Variants in CYFIP1 observed in about 807,000 individuals in gnomAD.
CYFIP1 encodes cytoplasmic FMR1 interacting protein 1.
CYFIP1 carries 58 observed loss-of-function variants against 163.5 expected under a neutral mutation model. That is an observed-to-expected ratio of 0.35 (90% confidence interval 0.29 to 0.44). The LOEUF (loss-of-function observed/expected upper bound fraction) is 0.44, where lower values mean the gene tolerates loss of function less well. Among genes scored for constraint, CYFIP1 ranks in the 20% least tolerant of loss-of-function variants. CYFIP1 has a pLI of 1.00. For missense variants in CYFIP1, 1,338 were observed against 1,653.8 expected (o/e 0.81, Z 3.31); for synonymous variants, 663 against 660.7 (o/e 1.00, Z -0.05).
chr15:22,908,518 CTTTTTTTTTTTTTTTTT>C (rs58565266), intron 21 of CYFIP1, among the ~76,000 whole-genome samples: 1 of 75,480 alleles, frequency 1.3e-5, no homozygotes, highest in Non-Finnish European at 2.4e-5. Context: ...GAAGATATTT[CTTTTTTTTTTTTTTTTT>C]TTTTTTTTTT....
chr15:22,903,191 T>A (rs1483316556), intron 22 of CYFIP1, among the ~76,000 whole-genome samples: 4 of 152,036 alleles, frequency 2.6e-5, no homozygotes, highest in African/African-American at 7.3e-5. Context: ...GCTGACACTG[T>A]ATAGATGCTG....
intron 12 of CYFIP1, among the ~76,000 whole-genome samples, chr15:22,926,482 A>G (rs1026785549): frequency 6.6e-6 from 1 of 152,198 alleles, no homozygotes; most frequent in African/African-American, 2.4e-5. Flanking sequence ...GATCAGCCTG[A>G]GCAATATAGT....
At chr15:22,964,349 T>TCACACACACACACA (rs1206406734) in intron 1 of CYFIP1, among the ~76,000 whole-genome samples, 33 of 39,576 alleles carry the variant, frequency 8.3e-4, no homozygotes, top group African/African-American at 1.6e-3. Flanking sequence ...CGCAACCTCA[T>TCACACACACACACA]CACTCACACA....
Position 22,916,456 on chromosome 15 carries a change from C to T in CYFIP1, c.1828+21G>A, listed in dbSNP as rs762080156. The T allele has an allele frequency of 1.2e-5, 18 of 1,558,728 alleles. No homozygotes were observed. The South Asian group carries it at 1.9e-4, about 17-fold the overall frequency. ...GTGTTAGGACATGCCAGGCCGGATG[C>T]TGCTCAGCAGTATCTCTTACCACTG... On this transcript the variant is annotated intron_variant, in intron 16 of 30. Transcript: ENST00000617928.
In CYFIP1 at chr15:22,874,530, G is replaced by A; in HGVS notation, c.3210+20C>T. On this transcript the variant is annotated intron_variant, in intron 28 of 30. Transcript: ENST00000617928. The stretch of plus-strand genomic sequence containing the variant: ...GGATGCCCAGCTTGCAACAGCCACA[G>A]CCATCACGGTACACGTTACCTGAGG... 1.3e-6 allele frequency: 2 copies of A among 1,554,198 alleles called. No individual in the cohort carries two copies. Among genetic ancestry groups the A allele is most frequent in the Non-Finnish European group, 1.7e-6 (2 of 1,150,818 alleles).
chr15:22,881,328 A>T (rs1414348917), intron 25 of CYFIP1, among the ~76,000 whole-genome samples: 2 of 152,234 alleles, frequency 1.3e-5, no homozygotes, highest in African/African-American at 4.8e-5. Context: ...GGTCCCTGTC[A>T]TACAATTTTA....
At position 22,918,687 on chromosome 15, in the gene CYFIP1, C is replaced by T; in HGVS notation, c.1526+5G>A. The T allele has an allele frequency of 1.3e-6, 2 of 1,589,116 alleles. No homozygotes were observed. The highest frequency in any genetic ancestry group is 1.1e-5 in the South Asian group (1 of 87,212). On this transcript the variant is annotated splice_donor_5th_base_variant and intron_variant, in intron 14 of 30. Transcript: ENST00000617928. ...CAGCGGGCACAGGGCGTGGGGAAGG[C>T]TGACCTCTGGATGACGTTCTTCTTC...
Position 22,918,830 on chromosome 15 carries a change from AC to A in CYFIP1, c.1387del (p.Val463CysfsTer2). ...EVIAMIKGLQ[V>X]LMGRMESVFN... ...CACGCTCTCCATCCTGCCCATCAGCACCTGCAGGCCTTTGATCATGGCGATC... is the reference window on the plus strand; with the variant it reads ...CACGCTCTCCATCCTGCCCATCAGCACTGCAGGCCTTTGATCATGGCGATC... On this transcript the variant is annotated frameshift_variant, in exon 14 of 31. Transcript: ENST00000617928. LOFTEE classifies it high-confidence loss of function. 6.2e-7 allele frequency: 1 copy of A among 1,611,436 alleles called. No individual in the cohort carries two copies. The highest frequency in any genetic ancestry group is 8.5e-7 in the Non-Finnish European group (1 of 1,178,906).
chr15:22,959,209 C>T (rs1459131155), intron 1 of CYFIP1, among the ~76,000 whole-genome samples: 1 of 152,236 alleles, frequency 6.6e-6, no homozygotes, highest in East Asian at 1.9e-4. Flanking sequence ...CTGGGCAACA[C>T]ACAGACAGCA....
intron 8 of CYFIP1, among the ~76,000 whole-genome samples, chr15:22,938,566 T>C (rs559663177): frequency 8.4e-4 from 128 of 151,510 alleles, no homozygotes; most frequent in Non-Finnish European, 1.5e-3. Context: ...GTCCGCACCA[T>C]TGCACTGGAG....
rs751564932 is a variant in CYFIP1, at chr15:22,917,838, C to T, written c.1624G>A (p.Gly542Ser). 2 of 1,613,834 alleles carry T rather than the reference C, an allele frequency of 1.2e-6. No individual in the cohort carries two copies. The highest frequency in any genetic ancestry group is 1.3e-5 in the African/African-American group (1 of 75,030). ...CGGCGTGGTACTTTTATGTCGAAGC[C>T]GCTCTTGGGGTCCTTCTCGCCCCGC... The part of the protein sequence containing the change: ...ALRGEKDPKS[G>S]FDIKVPRRAV... The change falls in exon 15 of 31, where the codon GGC becomes AGC. Residue 542 changes from glycine to serine, a missense_variant. Gly to Ser is a moderately conservative substitution (Grantham distance 56, BLOSUM62 0). This residue lies in a region of CYFIP1 where 824 missense variants were observed against 995.7 expected (regional missense o/e 0.83). Transcript: ENST00000617928. This position sits in a 1 kb window ranked among gnomAD's most constrained non-coding sequence, Gnocchi z 4.2.
chr15:22,934,177 CTTTTTT>C (rs1163626431), intron 9 of CYFIP1, among the ~76,000 whole-genome samples: 7 of 66,160 alleles, frequency 1.1e-4, no homozygotes, highest in Admixed American at 2.1e-4. Flanking sequence ...GCATTTCTTT[CTTTTTT>C]TTTTTTTTTT....
At chr15:22,964,274 C>CCACACACACACACACACACACA (rs60879784) in intron 1 of CYFIP1, among the ~76,000 whole-genome samples, 1 of 97,154 alleles carries the variant, frequency 1.0e-5, no homozygotes, top group Non-Finnish European at 2.0e-5. Context: ...CTCCTCCTCA[C>CCACACACACACACACACACACA]CACACACACA....
At chr15:22,904,026 C>A in intron 21 of CYFIP1, 121 bp from the exon 22 acceptor site, 1 of 877,028 alleles carries the variant, frequency 1.1e-6, no homozygotes. Flanking sequence ...AGGCAGCCCC[C>A]AGTGAGCGTA....
At chr15:22,895,055 C>T (rs1240282612) in intron 22 of CYFIP1, among the ~76,000 whole-genome samples, 1 of 150,788 alleles carries the variant, frequency 6.6e-6, no homozygotes, top group African/African-American at 2.4e-5. Context: ...TGCTCTGTCG[C>T]CCAGGCTGGA....
At chr15:22,878,700 TA>T (rs35977367) in intron 26 of CYFIP1, among the ~76,000 whole-genome samples, 1,496 of 136,562 alleles carry the variant, frequency 0.011, 27 homozygotes, top group African/African-American at 0.035. Flanking sequence ...TGCTAATCAT[TA>T]AAAAAAAAAA....
intron 9 of CYFIP1, 27 bp downstream of exon 9, chr15:22,937,077 A>G: frequency 6.9e-7 from 1 of 1,441,556 alleles, no homozygotes; most frequent in Admixed American, 1.7e-5. Flanking sequence ...ATCAATAAAA[A>G]CATTGATCTA....
At chr15:22,952,211 T>C (rs1207003302) in intron 1 of CYFIP1, among the ~76,000 whole-genome samples, 2 of 151,922 alleles carry the variant, frequency 1.3e-5, no homozygotes, top group African/African-American at 2.4e-5. Context: ...AGGAGAACAG[T>C]GGTGACAGGG....
At position 22,917,409 on chromosome 15, in the gene CYFIP1, TCA is replaced by T. The variant is rs2061025007; in HGVS notation, c.1674+377_1674+378del. On this transcript the variant is annotated intron_variant, in intron 15 of 30. Transcript: ENST00000617928. The surrounding 1 kb of genome is among the most constrained non-coding windows in gnomAD (Gnocchi z 4.2). Reference sequence around the variant, plus strand: ...GACCATGACACACGCAAGCAGCACCTCACAGTTTCCCACGCCCCATCTACAGT... The same window carrying T: ...GACCATGACACACGCAAGCAGCACCTCAGTTTCCCACGCCCCATCTACAGT... 1.3e-5 allele frequency: 10 copies of T among 753,610 alleles called. No homozygotes were observed. The highest frequency in any genetic ancestry group is 1.7e-5 in the Non-Finnish European group (9 of 540,900). 46.7% of individuals were successfully genotyped at this position (753,610 alleles called of 1,614,324 possible).
Sources: allele counts gnomAD v4.1 joint callset (sites outside exome capture counted in the v4.1 genomes callset), GRCh38; gene constraint gnomAD v4.1.1; regional missense constraint gnomAD v4.1.1; non-coding constraint Gnocchi (gnomAD v3.1); transcripts MANE v1.5; gene names NCBI Gene and HGNC (gene_info 2026-07-23, HGNC 2026-07-21).